Variants in DDC observed in about 807,000 individuals in gnomAD.
DDC encodes dopa decarboxylase.
A neutral mutation model predicts 60.0 loss-of-function variants in DDC; 43 were observed. That is an observed-to-expected ratio of 0.72 (90% CI 0.56 to 0.92). The LOEUF is 0.92. DDC is among the 40% of genes least tolerant of loss of function. The probability of loss-of-function intolerance (pLI) is 0.00; values close to 1 mark genes in which losing one functional copy is unlikely to be tolerated. For missense variants in DDC, 573 were observed against 620.2 expected (o/e 0.92, Z 0.81); for synonymous variants, 232 against 234.6 (o/e 0.99, Z 0.10).
chr7:50,460,038 C>A (rs1448879203), intron 14 of DDC, among the ~76,000 whole-genome samples: 1 of 144,842 alleles, frequency 6.9e-6, no homozygotes, highest in African/African-American at 2.7e-5. Context: ...CGGCCAGCTG[C>A]CCCGTCCGGG....
At chr7:50,502,689 G>C (rs183502415) in intron 7 of DDC, among the ~76,000 whole-genome samples, 87 of 152,328 alleles carry the variant, frequency 5.7e-4, no homozygotes, top group African/African-American at 2.0e-3. Flanking sequence ...AACCCTGTGA[G>C]AGCGGGTAAG....
At chr7:50,466,870 C>T (rs755398479) in intron 13 of DDC, among the ~76,000 whole-genome samples, 21 of 152,228 alleles carry the variant, frequency 1.4e-4, no homozygotes, top group Non-Finnish European at 2.6e-4. Context: ...ACAGAAGACA[C>T]TCAGATTAGT....
chr7:50,458,573 T>C lies in DDC; in HGVS notation c.*289A>G, dbSNP rs774278303. On this transcript the variant is annotated 3_prime_UTR_variant, in exon 15 of 15. Transcript: ENST00000444124. ...ATCAGTGAGGCTTTCCTACCACTTC[T>C]GATGACTGCAAGAACATGAAAATCT... 1 of 152,258 alleles carries C rather than the reference T, an allele frequency of 6.6e-6. No individual in the cohort carries two copies. Among genetic ancestry groups the C allele is most frequent in the African/African-American group, 2.4e-5 (1 of 41,472 alleles). The allele number at this position is 152,258 out of a possible 1,614,324, so 9.4% of individuals were successfully genotyped here. A position where few individuals can be genotyped will look rare whatever the true frequency, so the allele number is the denominator to read the frequency against.
intron 9 of DDC, among the ~76,000 whole-genome samples, chr7:50,481,641 A>G (rs1031445676): frequency 1.3e-5 from 2 of 152,216 alleles, no homozygotes; most frequent in African/African-American, 4.8e-5. Flanking sequence ...AGTATTAATA[A>G]AAGTTAAATA....
At chr7:50,554,041 G>A (rs1375401888) in intron 1 of DDC, among the ~76,000 whole-genome samples, 2 of 152,168 alleles carry the variant, frequency 1.3e-5, no homozygotes, top group Admixed American at 6.5e-5. Flanking sequence ...CAGGAGGTAC[G>A]TGAATAATCT....
At chr7:50,492,679 A>C (rs1369226502) in intron 9 of DDC, 12 of 1,035,746 alleles carry the variant, frequency 1.2e-5, no homozygotes, top group Non-Finnish European at 2.4e-6. Context: ...TCCTTCTACA[A>C]GGAAATTTTC....
At chr7:50,536,913 G>A (rs1034725065) in intron 4 of DDC, among the ~76,000 whole-genome samples, 4 of 152,172 alleles carry the variant, frequency 2.6e-5, no homozygotes, top group African/African-American at 9.7e-5. Context: ...TATCTGAAAA[G>A]GAAGCCCCTT....
At chr7:50,502,506 T>G (rs1308214748) in intron 7 of DDC, among the ~76,000 whole-genome samples, 2 of 152,226 alleles carry the variant, frequency 1.3e-5, no homozygotes, top group African/African-American at 4.8e-5. Context: ...GTCAGAGGAC[T>G]CCAAGTTGCT....
At chr7:50,546,697 T>C (rs1175005569) in intron 1 of DDC, among the ~76,000 whole-genome samples, 1 of 152,226 alleles carries the variant, frequency 6.6e-6, no homozygotes, top group Non-Finnish European at 1.5e-5. Context: ...GTTACAGAAG[T>C]TTTTATGTCA....
intron 2 of DDC, among the ~76,000 whole-genome samples, chr7:50,542,073 A>G (rs1357608786): frequency 6.6e-6 from 1 of 152,212 alleles, no homozygotes; most frequent in Non-Finnish European, 1.5e-5. Flanking sequence ...TGATGCCTTC[A>G]GCACAGCAGG....
At chr7:50,532,704 T>C (rs1396828085) in intron 4 of DDC, among the ~76,000 whole-genome samples, 1 of 152,222 alleles carries the variant, frequency 6.6e-6, no homozygotes, top group Non-Finnish European at 1.5e-5. Flanking sequence ...GAAAAGTAGC[T>C]CTTATTATAA....
intron 9 of DDC, chr7:50,492,510 A>T (rs924657092): frequency 5.4e-6 from 1 of 185,938 alleles, no homozygotes; most frequent in Admixed American, 5.7e-5. Flanking sequence ...GTAGCCTTTC[A>T]AGCCCATAGG....
chr7:50,510,791 C>T (rs550500325), intron 6 of DDC, among the ~76,000 whole-genome samples: 2 of 151,604 alleles, frequency 1.3e-5, no homozygotes, highest in South Asian at 2.1e-4. Flanking sequence ...ACCATCCTGG[C>T]TAACACGGTA....
chr7:50,516,439 G>C (rs1235245667), intron 6 of DDC, among the ~76,000 whole-genome samples: 7 of 151,976 alleles, frequency 4.6e-5, no homozygotes, highest in Non-Finnish European at 7.4e-5. Context: ...ATGCTAAGAG[G>C]AAAATTTATA....
chr7:50,521,170 T>G (rs997462250), intron 6 of DDC, among the ~76,000 whole-genome samples: 1 of 151,946 alleles, frequency 6.6e-6, no homozygotes, highest in African/African-American at 2.4e-5. Context: ...AGAAACAAAA[T>G]GGATTCCAAG....
At position 50,539,997 on chromosome 7, in the gene DDC, G is replaced by A; in HGVS notation, c.233C>T (p.Ala78Val). The change falls in exon 3 of 15, where the codon GCC becomes GTC. Residue 78 changes from alanine (A) to valine (V), a missense_variant. Ala to Val is a moderately conservative substitution (Grantham distance 64). Transcript: ENST00000444124. ...GTACGAGCTGGCAGTGGGGAAGTAG[G>A]CGAAGAAGTAGGGGCTGTGCCAGTG... The part of the protein sequence containing the change: ...VTHWHSPYFF[A>V]YFPTASSYPA... The A allele has an allele frequency of 1.2e-6, 2 of 1,614,046 alleles. No individual in the cohort carries two copies. The highest frequency in any genetic ancestry group is 1.1e-5 in the South Asian group (1 of 91,052).
At chr7:50,500,042 A>G (rs985506894) in intron 7 of DDC, among the ~76,000 whole-genome samples, 1 of 152,164 alleles carries the variant, frequency 6.6e-6, no homozygotes, top group Non-Finnish European at 1.5e-5. Flanking sequence ...TGAGTAGGGG[A>G]GAAATAAATG....
rs1249385018 is a variant in DDC at position 50,563,635 on chromosome 7, T to C, written c.-29+1650A>G. On this transcript the variant is annotated intron_variant, in intron 1 of 14. Coordinates refer to ENST00000444124, the MANE Select transcript of DDC (RefSeq NM_001082971.2). ...ATTATTTCTTGAGACAGAGTCTCACTCTGTCACCCAGGCTGAAGTGCAGTG... is the reference window on the plus strand; with the variant it reads ...ATTATTTCTTGAGACAGAGTCTCACCCTGTCACCCAGGCTGAAGTGCAGTG... Among the ~76,000 whole-genome samples, 7 of 152,284 alleles carry C rather than the reference T, an allele frequency of 4.6e-5. No individual in the cohort carries two copies. The East Asian group carries it at 1.3e-3, about 29-fold the overall frequency.
At chr7:50,559,158 A>G (rs1325923487) in intron 1 of DDC, among the ~76,000 whole-genome samples, 1 of 152,194 alleles carries the variant, frequency 6.6e-6, no homozygotes, top group Non-Finnish European at 1.5e-5. Context: ...TCCCCTTTAC[A>G]GCAATGCGAA....
Sources: allele counts gnomAD v4.1 joint callset (sites outside exome capture counted in the v4.1 genomes callset), GRCh38; gene constraint gnomAD v4.1.1; transcripts MANE v1.5; gene names NCBI Gene and HGNC (gene_info 2026-07-23, HGNC 2026-07-21).